The following CDH7 variants were observed in gnomAD, a reference collection of about 807,000 sequenced individuals.
The protein encoded by CDH7 is cadherin-7.
A neutral mutation model predicts 71.8 loss-of-function variants in CDH7; 25 were observed. The observed-to-expected ratio is 0.35, with a 90% CI of 0.25 to 0.49. The LOEUF is 0.49. Ranked by LOEUF, CDH7 falls within the 20% of genes least tolerant of loss-of-function variation. The probability of loss-of-function intolerance (pLI) is 0.99; values close to 1 mark genes in which losing one functional copy is unlikely to be tolerated. For missense variants in CDH7, 862 were observed against 974.6 expected (o/e 0.88, Z 1.54); for synonymous variants, 381 against 363.8 (o/e 1.05, Z -0.54).
intron 11 of CDH7, among the ~76,000 whole-genome samples, chr18:65,864,878 G>A (rs1224243481): frequency 6.8e-5 from 9 of 132,564 alleles, no homozygotes; most frequent in Middle Eastern, 4.5e-3. Flanking sequence ...ATGACAGAGC[G>A]AGACTCCATC....
At chr18:65,842,382 T>TTATA (rs142334874) in intron 6 of CDH7, among the ~76,000 whole-genome samples, 40 of 151,334 alleles carry the variant, frequency 2.6e-4, no homozygotes, top group African/African-American at 8.7e-4. Flanking sequence ...GTATATTGAT[T>TTATA]TATATATATA....
chr18:65,756,545 T>G (rs1916034468), intron 1 of CDH7, among the ~76,000 whole-genome samples: 1 of 152,202 alleles, frequency 6.6e-6, no homozygotes, highest in Non-Finnish European at 1.5e-5. Context: ...TGTGTGTTAG[T>G]GTGTTATATA....
chr18:65,765,284 T>C (rs1916320757), intron 2 of CDH7, among the ~76,000 whole-genome samples: 1 of 152,032 alleles, frequency 6.6e-6, no homozygotes, highest in African/African-American at 2.4e-5. Flanking sequence ...ACAATTTTCA[T>C]ATATCCTTGG....
At chr18:65,798,316 C>G (rs941206335) in intron 2 of CDH7, among the ~76,000 whole-genome samples, 7 of 151,986 alleles carry the variant, frequency 4.6e-5, no homozygotes, top group Admixed American at 2.0e-4. Context: ...CATTTGACAG[C>G]CTTTGCTTCA....
chr18:65,840,678 T>C (rs866863552), intron 6 of CDH7, among the ~76,000 whole-genome samples: 36 of 152,268 alleles, frequency 2.4e-4, no homozygotes, highest in Middle Eastern at 3.4e-3. Context: ...CCACGTGAGA[T>C]GTGCCTTTCA....
chr18:65,845,936 A>G lies in CDH7; in HGVS notation c.1235+1871A>G, dbSNP rs150968673. 3.8e-3 allele frequency among the ~76,000 whole-genome samples: 576 copies of G among 152,186 alleles called. 3 individuals carry two copies. The highest frequency in any genetic ancestry group is 0.013 in the African/African-American group (550 of 41,536). On this transcript the variant is annotated intron_variant, in intron 7 of 11. Transcript: ENST00000397968. ...ACAACATAGTGAGACCCCTGTCTCT[A>G]AAATAAATAAGTGAATAAGTAAAAT...
chr18:65,812,951 T>C (rs1282980702), intron 3 of CDH7, among the ~76,000 whole-genome samples: 1 of 152,362 alleles, frequency 6.6e-6, no homozygotes, highest in Admixed American at 6.5e-5. Flanking sequence ...ATTCAAAATT[T>C]AATTCTTAAA....
At chr18:65,834,133 T>A (rs1912450669) in intron 6 of CDH7, among the ~76,000 whole-genome samples, 1 of 152,280 alleles carries the variant, frequency 6.6e-6, no homozygotes, top group African/African-American at 2.4e-5. Context: ...GGAGAGAATT[T>A]AATAATTGTA....
At chr18:65,788,018 C>T (rs1910575846) in intron 2 of CDH7, among the ~76,000 whole-genome samples, 1 of 152,010 alleles carries the variant, frequency 6.6e-6, no homozygotes, top group Non-Finnish European at 1.5e-5. Flanking sequence ...AAATATTAGG[C>T]AAAGAGAAAA....
chr18:65,876,251 G>A (rs1914069499), intron 11 of CDH7, among the ~76,000 whole-genome samples: 1 of 152,124 alleles, frequency 6.6e-6, no homozygotes, highest in Non-Finnish European at 1.5e-5. Flanking sequence ...ATGTTGAATT[G>A]AATGTTGTAA....
chr18:65,769,005 T>TA (rs1454178279), intron 2 of CDH7, among the ~76,000 whole-genome samples: 1 of 152,036 alleles, frequency 6.6e-6, no homozygotes, highest in African/African-American at 2.4e-5. Flanking sequence ...ATAGAAGCAT[T>TA]AAAAAATAAA....
chr18:65,881,720 A>G lies in CDH7; in HGVS notation c.*826A>G, dbSNP rs1166210692. The G allele has an allele frequency of 6.6e-6, 1 of 152,038 alleles. No homozygotes were observed. The highest frequency in any genetic ancestry group is 2.4e-5 in the African/African-American group (1 of 41,400). The allele number at this position is 152,038 out of a possible 1,614,324, so 9.4% of individuals were successfully genotyped here. On this transcript the variant is annotated 3_prime_UTR_variant, in exon 12 of 12. Transcript: ENST00000397968. ...GTGTTGTATTTATTTTGGAGCTCCA[A>G]TCTCCACTAAATTCAGGTCCATCAT... is the stretch of plus-strand genomic sequence containing the variant.
At position 65,883,891 on chromosome 18, in the gene CDH7, T is replaced by C. The variant is rs2587422; in HGVS notation, c.*2997T>C. On this transcript the variant is annotated 3_prime_UTR_variant, in exon 12 of 12. Coordinates refer to ENST00000397968, the MANE Select transcript of CDH7 (RefSeq NM_004361.5). ...CCTGAAGTGAAATCCTTGGAGCTAC[T>C]TGTAGACAGGGAGAGGAGTCACTTC... 0.7 allele frequency: 105,981 copies of C among 152,000 alleles called. 37,532 individuals carry two copies. Among genetic ancestry groups the C allele is most frequent in the East Asian group, 0.96 (4,945 of 5,176 alleles). The allele number at this position is 152,000 out of a possible 1,614,324, so 9.4% of individuals were successfully genotyped here.
At chr18:65,799,532 C>T (rs1240708317) in intron 2 of CDH7, among the ~76,000 whole-genome samples, 2 of 151,986 alleles carry the variant, frequency 1.3e-5, no homozygotes, top group East Asian at 1.9e-4. Context: ...AAAAATTAGC[C>T]GGGCATGGTG....
intron 4 of CDH7, among the ~76,000 whole-genome samples, chr18:65,820,761 A>G (rs1317995291): frequency 6.6e-6 from 1 of 152,170 alleles, no homozygotes; most frequent in Non-Finnish European, 1.5e-5. Flanking sequence ...AACTTTGACT[A>G]CCAGACTTCT....
At chr18:65,833,547 C>T (rs747204261) in intron 6 of CDH7, among the ~76,000 whole-genome samples, 7 of 151,928 alleles carry the variant, frequency 4.6e-5, no homozygotes, top group Non-Finnish European at 8.8e-5. Context: ...TTTTAAGGGC[C>T]GAGATAATTT....
At chr18:65,801,716 A>G (rs1911131745) in intron 2 of CDH7, among the ~76,000 whole-genome samples, 1 of 152,206 alleles carries the variant, frequency 6.6e-6, no homozygotes, top group African/African-American at 2.4e-5. Flanking sequence ...ATTGGCTTCC[A>G]TTAGGCCACA....
intron 2 of CDH7, among the ~76,000 whole-genome samples, chr18:65,793,279 A>T (rs925682539): frequency 2.6e-5 from 4 of 152,032 alleles, no homozygotes; most frequent in African/African-American, 9.7e-5. Context: ...CAAAAAATAT[A>T]AAAATTGGCT....
At position 65,880,444 on chromosome 18, in the gene CDH7, GC is replaced by G. The variant is rs766833214; in HGVS notation, c.1912del (p.Ile639PhefsTer13). On this transcript the variant is annotated frameshift_variant, in exon 12 of 12. Coordinates refer to ENST00000397968, the MANE Select transcript of CDH7 (RefSeq NM_004361.5). LOFTEE classifies it high-confidence loss of function. ...IVTMRRRKKE[P>X]LIFDEERDIR... ...TCACTATGAGAAGACGGAAAAAAGA[GC>G]CCCTTATTTTTGACGAAGAAAGAGA... 1 of 1,567,060 alleles carries G rather than the reference GC, an allele frequency of 6.4e-7. No homozygotes were observed. Among genetic ancestry groups the G allele is most frequent in the Admixed American group, 2.0e-5 (1 of 49,652 alleles).
Sources: allele counts gnomAD v4.1 joint callset (sites outside exome capture counted in the v4.1 genomes callset), GRCh38; gene constraint gnomAD v4.1.1; transcripts MANE v1.5; gene names NCBI Gene and HGNC (gene_info 2026-07-23, HGNC 2026-07-21).